Variants in NKAIN2 observed in about 807,000 individuals in gnomAD.
NKAIN2 encodes the protein sodium/potassium transporting ATPase interacting 2.
In NKAIN2, 14 loss-of-function variants were observed where a neutral mutation model predicts 32.6. That is an observed-to-expected ratio of 0.43 (90% CI 0.28 to 0.67). NKAIN2 has a LOEUF of 0.67. Among genes scored for constraint, NKAIN2 ranks in the 30% least tolerant of loss-of-function variants. NKAIN2 has a pLI of 0.17. For missense variants in NKAIN2, 198 were observed against 258.3 expected (o/e 0.77, Z 1.60); for synonymous variants, 80 against 87.2 (o/e 0.92, Z 0.46).
chr6:124,612,011 C>T lies in NKAIN2; in HGVS notation c.274-46175C>T, dbSNP rs561706410. On this transcript the variant is annotated intron_variant, in intron 3 of 6. Transcript: ENST00000368417. ...TGAATAAACAAACGGTAGGTATTTC[C>T]AGTTTTTTTTAAGCCCTCTTACTTA... 1.1e-3 allele frequency among the ~76,000 whole-genome samples: 106 copies of T among 97,920 alleles called. 1 individual carries two copies. Among genetic ancestry groups the T allele is most frequent in the Non-Finnish European group, 1.8e-3 (79 of 45,080 alleles). 64.2% of individuals were successfully genotyped at this position (97,920 alleles called of 152,430 possible). A position where few individuals can be genotyped will look rare whatever the true frequency, so the allele number is the denominator to read the frequency against.
At chr6:124,106,702 TA>T (rs543285915) in intron 1 of NKAIN2, among the ~76,000 whole-genome samples, 3 of 152,326 alleles carry the variant, frequency 2.0e-5, no homozygotes, top group African/African-American at 7.2e-5. Context: ...AACAATTTAA[TA>T]AATAACAGAA....
At chr6:124,320,601 A>G (rs1797136718) in intron 2 of NKAIN2, among the ~76,000 whole-genome samples, 1 of 152,154 alleles carries the variant, frequency 6.6e-6, no homozygotes, top group Non-Finnish European at 1.5e-5. Flanking sequence ...CAAACTGCCT[A>G]TTATTTGTTT....
chr6:123,945,852 C>T (rs144153430), intron 1 of NKAIN2, among the ~76,000 whole-genome samples: 2 of 152,214 alleles, frequency 1.3e-5, no homozygotes, highest in East Asian at 3.9e-4. Context: ...AACCCTGATT[C>T]CTGTTGGGTA....
At chr6:124,575,288 T>G (rs990744909) in intron 3 of NKAIN2, among the ~76,000 whole-genome samples, 43 of 152,188 alleles carry the variant, frequency 2.8e-4, no homozygotes, top group African/African-American at 1.0e-3. Flanking sequence ...AAATCCTCTA[T>G]GTACAATGTA....
chr6:124,377,398 G>A (rs189388659), intron 3 of NKAIN2, among the ~76,000 whole-genome samples: 1 of 152,272 alleles, frequency 6.6e-6, no homozygotes, highest in East Asian at 1.9e-4. Flanking sequence ...AGAGAAGACA[G>A]TTAATTAAAG....
In NKAIN2 at chr6:124,780,419, C is replaced by CT. The variant is rs527586609; in HGVS notation, c.475-10918dup. Reference sequence around the variant, plus strand: ...AGAAAATATTTCCCTGAGGAGTAGCCTTGAAGTAGCCCATGTTTCATGTAG... The same window carrying CT: ...AGAAAATATTTCCCTGAGGAGTAGCCTTTGAAGTAGCCCATGTTTCATGTAG... On this transcript the variant is annotated intron_variant, in intron 4 of 6. Transcript: ENST00000368417. Among the ~76,000 whole-genome samples the CT allele has an allele frequency of 1.4e-4, 21 of 152,226 alleles. No individual in the cohort carries two copies. In the South Asian group the frequency reaches 3.9e-3, roughly 29 times the overall value.
chr6:124,276,513 G>T (rs557800974), intron 1 of NKAIN2, among the ~76,000 whole-genome samples: 2 of 151,736 alleles, frequency 1.3e-5, no homozygotes, highest in Non-Finnish European at 2.9e-5. Flanking sequence ...ATGTGAATCC[G>T]ATCTCTTGGT....
chr6:124,674,023 A>ATTTTGATTTGGT (rs1360169456), intron 4 of NKAIN2, among the ~76,000 whole-genome samples: 4 of 151,802 alleles, frequency 2.6e-5, no homozygotes, highest in African/African-American at 9.7e-5. Flanking sequence ...CCTTTCTTCC[A>ATTTTGATTTGGT]TTTTGATTTG....
chr6:123,892,978 T>G (rs889288234), intron 1 of NKAIN2, among the ~76,000 whole-genome samples: 2 of 151,728 alleles, frequency 1.3e-5, no homozygotes, highest in African/African-American at 4.8e-5. Context: ...TGAAGTTCTG[T>G]GATGCTAACT....
intron 1 of NKAIN2, among the ~76,000 whole-genome samples, chr6:124,214,050 T>C (rs1249584391): frequency 2.0e-5 from 3 of 152,204 alleles, no homozygotes; most frequent in Non-Finnish European, 4.4e-5. Context: ...TCATCTTCAT[T>C]GTTAACATTT....
At chr6:124,600,525 C>G (rs144423265) in intron 3 of NKAIN2, among the ~76,000 whole-genome samples, 7 of 151,990 alleles carry the variant, frequency 4.6e-5, no homozygotes, top group Non-Finnish European at 1.0e-4. Flanking sequence ...TTCTTATATT[C>G]GCTTCTTTAT....
intron 3 of NKAIN2, among the ~76,000 whole-genome samples, chr6:124,415,055 G>T (rs1180089514): frequency 6.6e-6 from 1 of 151,960 alleles, no homozygotes; most frequent in Non-Finnish European, 1.5e-5. Context: ...AAATATTTGG[G>T]GATTTCTCTC....
rs568862920 is a variant in NKAIN2, at chr6:124,776,480, G to A, written c.475-14859G>A. 1.7e-4 allele frequency among the ~76,000 whole-genome samples: 26 copies of A among 152,246 alleles called. No homozygotes were observed. The East Asian group carries it at 1.9e-3, about 11-fold the overall frequency. ...CAGGAACCATAGCCACAGAAAGGTC[G>A]TGAGGAAGTACATCATCATTCCAGT... On this transcript the variant is annotated intron_variant, in intron 4 of 6. Coordinates refer to ENST00000368417, the MANE Select transcript of NKAIN2 (RefSeq NM_001040214.3).
intron 3 of NKAIN2, among the ~76,000 whole-genome samples, chr6:124,379,028 G>A (rs929244714): frequency 2.4e-4 from 36 of 147,232 alleles, no homozygotes; most frequent in African/African-American, 9.1e-4. Flanking sequence ...GGAGTTTGAG[G>A]TTGCAGTGAG....
intron 1 of NKAIN2, among the ~76,000 whole-genome samples, chr6:123,851,491 T>C (rs1418729500): frequency 6.6e-6 from 1 of 151,518 alleles, no homozygotes; most frequent in Non-Finnish European, 1.5e-5. Flanking sequence ...CCTCAGGTGA[T>C]TCTCCCACGT....
intron 3 of NKAIN2, among the ~76,000 whole-genome samples, chr6:124,590,269 C>G (rs926525912): frequency 2.8e-4 from 43 of 152,138 alleles, no homozygotes; most frequent in African/African-American, 1.0e-3. Flanking sequence ...CATCTAGTGT[C>G]AGGTCTGTGT....
At chr6:124,514,837 C>G (rs1778844977) in intron 3 of NKAIN2, among the ~76,000 whole-genome samples, 1 of 151,206 alleles carries the variant, frequency 6.6e-6, no homozygotes, top group Non-Finnish European at 1.5e-5. Flanking sequence ...GTTTTATAAG[C>G]TACCCAGATC....
rs1379192309 is a variant in NKAIN2, at chr6:124,523,091, C to T, written c.274-135095C>T. On this transcript the variant is annotated intron_variant, in intron 3 of 6. Transcript: ENST00000368417. The stretch of plus-strand genomic sequence containing the variant: ...CCGGGAGGCGGAGCTTGCAGTGAGC[C>T]GAGATCGCGCCACAGCACTCCCGCC... Among the ~76,000 whole-genome samples, 16 of 75,508 alleles carry T rather than the reference C, an allele frequency of 2.1e-4. 1 individual carries two copies. The highest frequency in any genetic ancestry group is 2.6e-4 in the Non-Finnish European group (8 of 31,220). 49.5% of individuals were successfully genotyped at this position (75,508 alleles called of 152,430 possible).
intron 1 of NKAIN2, among the ~76,000 whole-genome samples, chr6:123,968,898 T>C (rs1778210663): frequency 6.6e-6 from 1 of 152,296 alleles, no homozygotes; most frequent in East Asian, 1.9e-4. Context: ...TTTCAAAGTG[T>C]GGAGCACCTT....
Sources: allele counts gnomAD v4.1 joint callset (sites outside exome capture counted in the v4.1 genomes callset), GRCh38; gene constraint gnomAD v4.1.1; transcripts MANE v1.5; gene names NCBI Gene and HGNC (gene_info 2026-07-23, HGNC 2026-07-21).